The following KRT13 variants were observed in gnomAD, a reference collection of about 807,000 sequenced individuals.
KRT13 encodes keratin 13.
In KRT13, 27 loss-of-function variants were observed where a neutral mutation model predicts 40.6. The ratio of observed to expected loss-of-function variants is 0.67; its 90% CI spans 0.49 to 0.92. KRT13 has a LOEUF of 0.92. Among genes scored for constraint, KRT13 ranks in the 40% least tolerant of loss-of-function variants. The pLI, the probability that KRT13 is intolerant of heterozygous loss-of-function variation, is 0.00. For synonymous variants in KRT13, 266 were observed against 240.3 expected, an observed-to-expected ratio of 1.11 and a Z score of -0.99; for missense variants, 605 against 611.5, an observed-to-expected ratio of 0.99 and a Z score of 0.11.
Position 41,505,110 on chromosome 17 carries a change from G to A in KRT13, c.441C>T (p.Ser147=), listed in dbSNP as rs1567714587. 1.2e-6 allele frequency: 2 copies of A among 1,614,194 alleles called. No homozygotes were observed. The highest frequency in any genetic ancestry group is 1.7e-6 in the Non-Finnish European group (2 of 1,180,034). Residue 147 remains serine, a synonymous_variant, in exon 1 of 8, where the codon AGC becomes AGT. Transcript: ENST00000246635. ...RDWHLKQSPA[S]PERDYSPYYK... is the part of the protein sequence containing the mutation. ...AGTAGGGGCTGTAGTCCCGCTCAGG[G>A]CTAGCTGGGCTCTGCTTCAGGTGCC...
rs1387249324 is a variant in KRT13, at chr17:41,502,924, G to A, written c.897+13C>T. ...ATATGGGATGGGCTATGTGGGGTGG[G>A]AGGGCCGGGTACCTTGGTGTGGAAC... On this transcript the variant is annotated intron_variant, in intron 4 of 7. Transcript: ENST00000246635. 3 of 1,613,860 alleles carry A rather than the reference G, an allele frequency of 1.9e-6. No homozygotes were observed. Among genetic ancestry groups the A allele is most frequent in the Non-Finnish European group, 2.5e-6 (3 of 1,179,938 alleles).
chr17:41,501,702 C>CT lies in KRT13; in HGVS notation c.1270+16_1270+17insA. ...GCTAACTCTGCCTCCCCCTACACCACGGGGCTGTTCCCTTACCTGCTGAGG... is the reference window on the plus strand; with the variant it reads ...GCTAACTCTGCCTCCCCCTACACCACTGGGGCTGTTCCCTTACCTGCTGAGG... On this transcript the variant is annotated intron_variant, in intron 7 of 7. Transcript: ENST00000246635. 6.3e-7 allele frequency: 1 copy of CT among 1,577,702 alleles called. No individual in the cohort carries two copies. Among genetic ancestry groups the CT allele is most frequent in the Non-Finnish European group, 8.6e-7 (1 of 1,160,896 alleles).
rs138885186 is a variant in KRT13 at position 41,502,402 on chromosome 17, G to A, written c.1216C>T (p.Arg406Cys). ...TRLEQEIATYRSLLEGQDAKM... is the reference protein window; with the variant it reads ...TRLEQEIATYCSLLEGQDAKM... ...GCGTCCTGGCCCTCGAGCAGGCTGC[G>A]GTAGGTGGCGATCTCCTGCTCCAGA... The change falls in exon 6 of 8, where the codon CGC becomes TGC. Residue 406 changes from arginine (R) to cysteine (C), a missense_variant. Coordinates refer to ENST00000246635, the MANE Select transcript of KRT13 (RefSeq NM_153490.3). The A allele has an allele frequency of 2.4e-5, 39 of 1,614,218 alleles. No homozygotes were observed. In the African/African-American group the frequency reaches 2.7e-4, roughly 11 times the overall value.
At position 41,502,399 on chromosome 17, in the gene KRT13, T is replaced by C. The variant is rs765717279; in HGVS notation, c.1219A>G (p.Ser407Gly). Residue 407 changes from serine to glycine, a missense_variant, in exon 6 of 8, where the codon AGC becomes GGC. Coordinates refer to ENST00000246635, the MANE Select transcript of KRT13 (RefSeq NM_153490.3). Reference protein sequence around the residue: ...RLEQEIATYRSLLEGQDAKMI... With the variant: ...RLEQEIATYRGLLEGQDAKMI... ...TTGGCGTCCTGGCCCTCGAGCAGGC[T>C]GCGGTAGGTGGCGATCTCCTGCTCC... The C allele has an allele frequency of 2.8e-5, 46 of 1,614,232 alleles. No homozygotes were observed. Among genetic ancestry groups the C allele is most frequent in the Non-Finnish European group, 3.9e-5 (46 of 1,180,036 alleles).
In KRT13 at chr17:41,505,312, C is replaced by T; in HGVS notation, c.239G>A (p.Gly80Asp). ...GCCACCAGCAAAACCCCCACCAAAG[C>T]CACCTCCAAGGCCACCTCCATAGCC... ...GGGYGGGLGG[G>D]FGGGFAGGFV... The change falls in exon 1 of 8, where the codon GGC becomes GAC. Residue 80 changes from glycine (G) to aspartate (D), a missense_variant. Transcript: ENST00000246635. 1 of 1,613,852 alleles carries T rather than the reference C, an allele frequency of 6.2e-7. No individual in the cohort carries two copies. The highest frequency in any genetic ancestry group is 8.5e-7 in the Non-Finnish European group (1 of 1,179,836).
intron 3 of KRT13, 75 bp downstream of exon 3, chr17:41,503,212 G>A (rs1348369284): frequency 6.2e-7 from 1 of 1,603,844 alleles, no homozygotes; most frequent in Admixed American, 1.7e-5. Context: ...GGAGGACTGT[G>A]TCCAGTTGCA....
At chr17:41,501,445 ACTC>A in intron 7 of KRT13, 83 bp from the exon 8 acceptor site, 1 of 1,193,082 alleles carries the variant, frequency 8.4e-7, no homozygotes, top group Non-Finnish European at 1.2e-6. Flanking sequence ...GGGCTCACAA[ACTC>A]CTCATTAGTC....
rs1327842221 is a variant in KRT13 at position 41,502,511 on chromosome 17, G to A, written c.1107C>T (p.Ser369=). 6.2e-7 allele frequency: 1 copy of A among 1,614,062 alleles called. No individual in the cohort carries two copies. The highest frequency in any genetic ancestry group is 2.2e-5 in the East Asian group (1 of 44,880). ...QLQQIQGLIS[S]IEAQLSELRS... ...GGAGCTCGCTCAGCTGGGCCTCGAT[G>A]CTGCTGATGAGTCCCTGGATCTGCT... Residue 369 remains serine, a synonymous_variant, in exon 6 of 8, where the codon AGC becomes AGT. Coordinates refer to ENST00000246635, the MANE Select transcript of KRT13 (RefSeq NM_153490.3).
chr17:41,505,104 C>T lies in KRT13; in HGVS notation c.447G>A (p.Glu149=), dbSNP rs1905011854. Residue 149 remains glutamate (E), a synonymous_variant, in exon 1 of 8, where the codon GAG becomes GAA. Transcript: ENST00000246635. ...TCTTGTAGTAGGGGCTGTAGTCCCG[C>T]TCAGGGCTAGCTGGGCTCTGCTTCA... ...WHLKQSPASP[E]RDYSPYYKTI... 3.7e-6 allele frequency: 6 copies of T among 1,614,230 alleles called. No homozygotes were observed. The highest frequency in any genetic ancestry group is 5.1e-6 in the Non-Finnish European group (6 of 1,180,030).
Position 41,502,975 on chromosome 17 carries a change from T to G in KRT13, c.859A>C (p.Arg287=), listed in dbSNP as rs777605109. The change falls in exon 4 of 8, where the codon AGG becomes CGG. Residue 287 remains arginine (R), a synonymous_variant. Transcript: ENST00000246635. ...MREQYEAMAE[R]NRRDAEEWFH... Reference sequence around the variant, plus strand: ...CATTCCTCAGCATCCCGGCGGTTCCTCTCTGCCATGGCCTCGTACTGCTCC... The same window carrying G: ...CATTCCTCAGCATCCCGGCGGTTCCGCTCTGCCATGGCCTCGTACTGCTCC... 8 of 1,614,100 alleles carry G rather than the reference T, an allele frequency of 5.0e-6. No homozygotes were observed. Among genetic ancestry groups the G allele is most frequent in the Non-Finnish European group, 6.8e-6 (8 of 1,179,960 alleles).
At chr17:41,501,875 C>T in intron 6 of KRT13, 131 bp from the exon 7 acceptor site, 1 of 1,537,484 alleles carries the variant, frequency 6.5e-7, no homozygotes, top group East Asian at 2.5e-5. Flanking sequence ...CCTAGCTGTG[C>T]CCCCAGCTCA....
chr17:41,501,321 T>C lies in KRT13; in HGVS notation c.1312A>G (p.Ser438Gly). The C allele has an allele frequency of 2.5e-6, 4 of 1,575,514 alleles. No homozygotes were observed. Among genetic ancestry groups the C allele is most frequent in the Non-Finnish European group, 2.6e-6 (3 of 1,160,430 alleles). The change falls in exon 8 of 8, where the codon AGT (serine) becomes GGT (glycine). Residue 438 changes from serine (S) to glycine (G), a missense_variant. Transcript: ENST00000246635. ...PRSTSVTTTS[S>G]ASVTTTSNAS... ...TTAGAGGTGGTGGTAACAGAGGCACTAGAAGTCGTGGTAACAGAGGTGCTA... is the reference window on the plus strand; with the variant it reads ...TTAGAGGTGGTGGTAACAGAGGCACCAGAAGTCGTGGTAACAGAGGTGCTA...
At chr17:41,502,143 A>T (rs745882189) in intron 6 of KRT13, 1 of 1,440,070 alleles carries the variant, frequency 6.9e-7, no homozygotes, top group Non-Finnish European at 9.1e-7. Context: ...TGTTTTTCCA[A>T]TATCAGATGT....
In KRT13 at chr17:41,505,511, C is replaced by T. The variant is rs767264822; in HGVS notation, c.40G>A (p.Gly14Ser). Residue 14 changes from glycine to serine, a missense_variant, in exon 1 of 8, where the codon GGT becomes AGT. By Grantham distance (56) the Gly-to-Ser change is moderately conservative. Transcript: ENST00000246635. ...TGGCAAGAGCCACCCCCGAAACCACCTCCATAGCTGGCAGAGGAGCTCTGC... is the reference window on the plus strand; with the variant it reads ...TGGCAAGAGCCACCCCCGAAACCACTTCCATAGCTGGCAGAGGAGCTCTGC... The part of the protein sequence containing the change: ...RLQSSSASYG[G>S]GFGGGSCQLG... 16 of 1,614,166 alleles carry T rather than the reference C, an allele frequency of 9.9e-6. No individual in the cohort carries two copies. In the Admixed American group the frequency reaches 2.5e-4, roughly 25 times the overall value.
rs753468933 is a variant in KRT13, at chr17:41,502,519, T to G, written c.1099A>C (p.Ile367Leu). ...ALQLQQIQGL[I>L]SSIEAQLSEL... ...CTCAGCTGGGCCTCGATGCTGCTGA[T>G]GAGTCCCTGGATCTGCTGCAGCTGC... The change falls in exon 6 of 8, where the codon ATC becomes CTC. Residue 367 changes from isoleucine (I) to leucine (L), a missense_variant. Ile to Leu is a conservative substitution (Grantham distance 5, BLOSUM62 2). Coordinates refer to ENST00000246635, the MANE Select transcript of KRT13 (RefSeq NM_153490.3). 2 of 1,614,116 alleles carry G rather than the reference T, an allele frequency of 1.2e-6. No homozygotes were observed. The highest frequency in any genetic ancestry group is 1.7e-6 in the Non-Finnish European group (2 of 1,180,042).
At position 41,505,409 on chromosome 17, in the gene KRT13, C is replaced by T. The variant is rs748425210; in HGVS notation, c.142G>A (p.Gly48Ser). 24 of 1,613,156 alleles carry T rather than the reference C, an allele frequency of 1.5e-5. No homozygotes were observed. The highest frequency in any genetic ancestry group is 5.0e-5 in the Admixed American group (3 of 59,992). ...SGGSAGGYGG[G>S]VSCGFGGGAG... Reference sequence around the variant, plus strand: ...CCTCCACCAAAACCACAGCTCACGCCGCCTCCATAGCCCCCAGCTGATCCC... The same window carrying T: ...CCTCCACCAAAACCACAGCTCACGCTGCCTCCATAGCCCCCAGCTGATCCC... The change falls in exon 1 of 8, where the codon GGC becomes AGC. Residue 48 changes from glycine (G) to serine (S), a missense_variant. By Grantham distance (56) the Gly-to-Ser change is moderately conservative (BLOSUM62 0). Transcript: ENST00000246635.
chr17:41,502,010 C>G, intron 6 of KRT13: 1 of 1,420,432 alleles, frequency 7.0e-7, no homozygotes. Flanking sequence ...CTGGATCGCC[C>G]AAACCCGCAA....
intron 1 of KRT13, chr17:41,504,373 G>A (rs936057567): frequency 6.4e-6 from 1 of 157,236 alleles, no homozygotes; most frequent in Non-Finnish European, 1.4e-5. Flanking sequence ...CTTTGCTAGA[G>A]CTGACTTCCC....
rs142183272 is a variant in KRT13 at position 41,505,142 on chromosome 17, G to T, written c.409C>A (p.Arg137Ser). 3 of 1,614,182 alleles carry T rather than the reference G, an allele frequency of 1.9e-6. No individual in the cohort carries two copies. Among genetic ancestry groups the T allele is most frequent in the Non-Finnish European group, 2.5e-6 (3 of 1,180,030 alleles). ...GGGCTCTGCTTCAGGTGCCAGTCACGGATCTTCACCTCCAGGTCAGCGTTG... is the reference window on the plus strand; with the variant it reads ...GGGCTCTGCTTCAGGTGCCAGTCACTGATCTTCACCTCCAGGTCAGCGTTG... The part of the protein sequence containing the change: ...EANADLEVKI[R>S]DWHLKQSPAS... Residue 137 changes from arginine (R) to serine (S), a missense_variant, in exon 1 of 8, where the codon CGT becomes AGT. Transcript: ENST00000246635.
Sources: gnomAD v4.1 joint callset for allele counts on GRCh38, gnomAD v4.1.1 for gene constraint, MANE v1.5 for transcripts, NCBI Gene and HGNC (gene_info 2026-07-23, HGNC 2026-07-21) for gene names.